HCN1: variants seen among roughly 807,000 people sequenced by gnomAD.
HCN1 encodes potassium/sodium hyperpolarization-activated cyclic nucleotide-gated channel 1.
In HCN1, 13 loss-of-function variants were observed where a neutral mutation model predicts 78.9. That is an observed-to-expected ratio of 0.16 (90% confidence interval 0.11 to 0.26). The LOEUF (loss-of-function observed/expected upper bound fraction) is 0.26. HCN1 is among the 10% of genes least tolerant of loss of function. The pLI, the probability that HCN1 is intolerant of heterozygous loss-of-function variation, is 1.00. For synonymous variants in HCN1, 552 were observed against 455.5 expected (o/e 1.21, Z -2.70); for missense variants, 810 against 1,154.3 (o/e 0.70, Z 4.32).
chr5:45,672,876 C>T (rs1485103798), intron 1 of HCN1, among the ~76,000 whole-genome samples: 3 of 151,050 alleles, frequency 2.0e-5, no homozygotes, highest in African/African-American at 7.3e-5. Flanking sequence ...AATAGAGTTC[C>T]CATATATCTC....
chr5:45,321,019 C>G (rs988938886), intron 5 of HCN1, among the ~76,000 whole-genome samples: 1 of 151,790 alleles, frequency 6.6e-6, no homozygotes, highest in Non-Finnish European at 1.5e-5. Flanking sequence ...TTGTTCTTGT[C>G]TACTGGGGGA....
Position 45,660,135 on chromosome 5 carries a change from TG to T in HCN1, c.426-14528del, listed in dbSNP as rs1217996689. On this transcript the variant is annotated intron_variant, in intron 1 of 7. Coordinates refer to ENST00000303230, the MANE Select transcript of HCN1 (RefSeq NM_021072.4). ...AGAAACCCTACAAGCCAGAAGAGAG[TG>T]GGGGCCAATATTCAACATTCTTAAA... Among the ~76,000 whole-genome samples the T allele has an allele frequency of 1.6e-4, 19 of 115,256 alleles. No individual in the cohort carries two copies. In the East Asian group the frequency reaches 5.1e-3, roughly 31 times the overall value. 75.6% of individuals were successfully genotyped at this position (115,256 alleles called of 152,430 possible). A position where few individuals can be genotyped will look rare whatever the true frequency, so the allele number is the denominator to read the frequency against.
At chr5:45,686,133 A>G (rs1446400781) in intron 1 of HCN1, among the ~76,000 whole-genome samples, 3 of 151,130 alleles carry the variant, frequency 2.0e-5, no homozygotes, top group African/African-American at 2.4e-5. Flanking sequence ...ATTTTTTTCT[A>G]TTATAATTGA....
intron 2 of HCN1, among the ~76,000 whole-genome samples, chr5:45,622,332 A>G (rs778822648): frequency 3.3e-5 from 5 of 152,196 alleles, no homozygotes; most frequent in Non-Finnish European, 5.9e-5. Context: ...TCTGAGTGCT[A>G]TGGGTCAGTT....
intron 2 of HCN1, among the ~76,000 whole-genome samples, chr5:45,592,385 T>C (rs962231962): frequency 1.8e-4 from 28 of 152,290 alleles, no homozygotes; most frequent in African/African-American, 6.0e-4. Flanking sequence ...AGGGAGCTCA[T>C]TATTTGATTG....
At chr5:45,366,442 G>C (rs185330077) in intron 4 of HCN1, among the ~76,000 whole-genome samples, 1 of 151,596 alleles carries the variant, frequency 6.6e-6, no homozygotes, top group Non-Finnish European at 1.5e-5. Context: ...ATGAAAATGC[G>C]TTAAAAACAG....
chr5:45,420,546 C>T (rs149491884), intron 3 of HCN1, among the ~76,000 whole-genome samples: 6 of 152,076 alleles, frequency 3.9e-5, no homozygotes, highest in African/African-American at 1.2e-4. Context: ...GGAGAGTGAT[C>T]GTGGCAGGCT....
chr5:45,349,083 C>A (rs1247908913), intron 5 of HCN1, among the ~76,000 whole-genome samples: 1 of 152,088 alleles, frequency 6.6e-6, no homozygotes, highest in Admixed American at 6.5e-5. Flanking sequence ...TTTTTCAGCA[C>A]CACACCACAC....
At chr5:45,612,932 C>T (rs907333641) in intron 2 of HCN1, among the ~76,000 whole-genome samples, 4 of 152,140 alleles carry the variant, frequency 2.6e-5, no homozygotes, top group African/African-American at 9.7e-5. Flanking sequence ...AAGCTATCCT[C>T]AACTGGCAGC....
chr5:45,295,960 C>T (rs1457169772), intron 6 of HCN1, among the ~76,000 whole-genome samples: 1 of 151,926 alleles, frequency 6.6e-6, no homozygotes, highest in South Asian at 2.1e-4. Context: ...ACATTATCTT[C>T]TTTGATGTCT....
intron 2 of HCN1, among the ~76,000 whole-genome samples, chr5:45,602,258 G>T (rs1744640418): frequency 6.6e-6 from 1 of 152,086 alleles, no homozygotes; most frequent in Non-Finnish European, 1.5e-5. Context: ...TGGAGATAAG[G>T]TCTTTGAAGA....
At position 45,695,649 on chromosome 5, in the gene HCN1, C is replaced by A. The variant is rs749453191; in HGVS notation, c.425+20G>T. The A allele has an allele frequency of 5.0e-6, 8 of 1,607,814 alleles. No individual in the cohort carries two copies. Among genetic ancestry groups the A allele is most frequent in the Non-Finnish European group, 6.8e-6 (8 of 1,177,288 alleles). On this transcript the variant is annotated intron_variant, in intron 1 of 7. Transcript: ENST00000303230. ...GGGCGCGCCTGAAGGGAGGGTGGGGCGGCGACCGGGAGCCCTCACCTGAAA... is the reference window on the plus strand; with the variant it reads ...GGGCGCGCCTGAAGGGAGGGTGGGGAGGCGACCGGGAGCCCTCACCTGAAA...
At chr5:45,343,156 A>C (rs114808701) in intron 5 of HCN1, among the ~76,000 whole-genome samples, 379 of 152,326 alleles carry the variant, frequency 2.5e-3, no homozygotes, top group Non-Finnish European at 2.9e-3. Flanking sequence ...ATTTTGTTGT[A>C]GGCCACTTTG....
At position 45,399,035 on chromosome 5, in the gene HCN1, A is replaced by G. The variant is rs80221787; in HGVS notation, c.1012-2325T>C. Among the ~76,000 whole-genome samples the G allele has an allele frequency of 4.5e-3, 684 of 152,230 alleles. 5 individuals carry two copies. Among genetic ancestry groups the G allele is most frequent in the Non-Finnish European group, 7.2e-3 (488 of 68,028 alleles). ...TATTGTCTTGGAATTTAGGTGGGAG[A>G]TTTAATATCTGTTTAGATACTACAG... On this transcript the variant is annotated intron_variant, in intron 3 of 7. Transcript: ENST00000303230.
chr5:45,495,747 T>C (rs1203546561), intron 2 of HCN1, among the ~76,000 whole-genome samples: 3 of 152,170 alleles, frequency 2.0e-5, no homozygotes, highest in Non-Finnish European at 4.4e-5. Context: ...TTGTCATAGA[T>C]AGCTCTTATT....
chr5:45,581,744 T>G (rs567594706), intron 2 of HCN1, among the ~76,000 whole-genome samples: 1 of 152,148 alleles, frequency 6.6e-6, no homozygotes, highest in African/African-American at 2.4e-5. Context: ...CATATGACTA[T>G]CCAGTTTTCC....
intron 3 of HCN1, among the ~76,000 whole-genome samples, chr5:45,435,183 A>C: frequency 6.6e-6 from 1 of 152,184 alleles, no homozygotes; most frequent in East Asian, 1.9e-4. Flanking sequence ...TCAAATCACT[A>C]ATTTATATAT....
At chr5:45,302,374 C>A (rs11740651) in intron 6 of HCN1, among the ~76,000 whole-genome samples, 15,108 of 152,032 alleles carry the variant, frequency 0.099, 1,034 homozygotes, top group Middle Eastern at 0.2. Flanking sequence ...GAGGCCTTCC[C>A]AGCTATGTGG....
At chr5:45,427,809 G>C (rs1386209477) in intron 3 of HCN1, among the ~76,000 whole-genome samples, 1 of 152,058 alleles carries the variant, frequency 6.6e-6, no homozygotes, top group African/African-American at 2.4e-5. Context: ...TGTAGCATAA[G>C]AGTATTACAA....
Sources: gnomAD v4.1 joint callset for allele counts (sites outside exome capture counted in the v4.1 genomes callset) on GRCh38, gnomAD v4.1.1 for gene constraint, MANE v1.5 for transcripts, NCBI Gene and HGNC (gene_info 2026-07-23, HGNC 2026-07-21) for gene names.